RAB11FIP3: variants seen among roughly 807,000 people sequenced by gnomAD.
The protein encoded by RAB11FIP3 is rab11 family-interacting protein 3.
Under a neutral mutation model 77.8 loss-of-function variants are expected in RAB11FIP3, and 17 were observed. The observed-to-expected ratio is 0.22, with a 90% CI of 0.15 to 0.33. The LOEUF (loss-of-function observed/expected upper bound fraction) is 0.33. Ranked by LOEUF, RAB11FIP3 falls within the 10% of genes least tolerant of loss-of-function variation. The pLI is 1.00. For synonymous variants in RAB11FIP3, 437 were observed against 448.2 expected (o/e 0.98, Z 0.31); for missense variants, 1,005 against 1,011.2 (o/e 0.99, Z 0.08).
At chr16:459,175 G>A (rs538514707) in intron 1 of RAB11FIP3, among the ~76,000 whole-genome samples, 1 of 145,462 alleles carries the variant, frequency 6.9e-6, no homozygotes, top group Non-Finnish European at 1.5e-5. Context: ...TGCCCAGGCT[G>A]GAGTGCAGTG....
chr16:518,142 G>A (rs1454090983), intron 9 of RAB11FIP3, among the ~76,000 whole-genome samples: 1 of 152,184 alleles, frequency 6.6e-6, no homozygotes, highest in East Asian at 1.9e-4. Flanking sequence ...GCAGTGGCGG[G>A]ATCACAGCTC....
intron 6 of RAB11FIP3, chr16:497,527 A>AGACGCCTCTCCAGCTTCCTCTGGAGC (rs1300221317): frequency 1.1e-5 from 13 of 1,132,682 alleles, no homozygotes; most frequent in Non-Finnish European, 2.2e-6. Context: ...CAGGGCTGGG[A>AGACGCCTCTCCAGCTTCCTCTGGAGC]GACGCCTCTC....
chr16:480,001 ATTC>A (rs1459168348), intron 3 of RAB11FIP3, among the ~76,000 whole-genome samples: 1 of 152,058 alleles, frequency 6.6e-6, no homozygotes, highest in Non-Finnish European at 1.5e-5. Context: ...AAAAAGTTGA[ATTC>A]AGCCAGGCAC....
chr16:493,345 C>T (rs1056732210), intron 5 of RAB11FIP3, among the ~76,000 whole-genome samples: 1 of 152,090 alleles, frequency 6.6e-6, no homozygotes, highest in Non-Finnish European at 1.5e-5. Flanking sequence ...AGAACATCCT[C>T]CCCATAACCC....
At chr16:493,031 A>G (rs762083021) in intron 5 of RAB11FIP3, among the ~76,000 whole-genome samples, 27 of 152,122 alleles carry the variant, frequency 1.8e-4, no homozygotes, top group Admixed American at 9.8e-4. Flanking sequence ...CAGGCAGATC[A>G]CTTGAGGCCA....
At chr16:433,347 C>T (rs918865310) in intron 1 of RAB11FIP3, among the ~76,000 whole-genome samples, 3 of 146,900 alleles carry the variant, frequency 2.0e-5, no homozygotes, top group Non-Finnish European at 4.5e-5. Flanking sequence ...TAACCATTAA[C>T]CGTGCTCTTT....
At chr16:429,712 G>T (rs982019516) in intron 1 of RAB11FIP3, among the ~76,000 whole-genome samples, 21 of 152,026 alleles carry the variant, frequency 1.4e-4, no homozygotes, top group African/African-American at 5.1e-4. Flanking sequence ...TGGCCAGGCT[G>T]GTCTTGAACT....
chr16:513,461 C>G (rs1184885221), intron 9 of RAB11FIP3, among the ~76,000 whole-genome samples: 2 of 152,166 alleles, frequency 1.3e-5, no homozygotes, highest in Non-Finnish European at 2.9e-5. Flanking sequence ...TTAAGTGATT[C>G]TCCCACCTTG....
At chr16:439,776 A>C (rs1441090880) in intron 1 of RAB11FIP3, among the ~76,000 whole-genome samples, 3 of 152,128 alleles carry the variant, frequency 2.0e-5, no homozygotes, top group African/African-American at 7.2e-5. Flanking sequence ...GGACAACTCC[A>C]AGCAAAGGCA....
Position 472,915 on chromosome 16 carries a change from GGGAAGACCATA to G in RAB11FIP3, c.903+1534_903+1544del, listed in dbSNP as rs1413693519. On this transcript the variant is annotated intron_variant, in intron 3 of 13. Transcript: ENST00000262305. The surrounding 1 kb of genome is among the most constrained non-coding windows in gnomAD (Gnocchi z 4.1). ...CTGGAAGACGGGAGAGACACACAGG[GGGAAGACCATA>G]GGAAGACAGGGCAGAGACTGACCAG... is the stretch of plus-strand genomic sequence containing the variant. Among the ~76,000 whole-genome samples, 1 of 152,178 alleles carries G rather than the reference GGGAAGACCATA, an allele frequency of 6.6e-6. No individual in the cohort carries two copies. Among genetic ancestry groups the G allele is most frequent in the African/African-American group, 2.4e-5 (1 of 41,450 alleles).
intron 4 of RAB11FIP3, 123 bp from the exon 5 acceptor site, chr16:488,728 A>C: frequency 1.3e-6 from 1 of 744,512 alleles, no homozygotes; most frequent in Middle Eastern, 3.9e-4. Context: ...TTTTTTTTTA[A>C]ACGTGGCTCC....
intron 1 of RAB11FIP3, among the ~76,000 whole-genome samples, chr16:441,715 TCC>T (rs776032220): frequency 2.0e-4 from 31 of 152,222 alleles, no homozygotes; most frequent in Non-Finnish European, 4.1e-4. Flanking sequence ...ACATTTGTGT[TCC>T]CACACCAGGC....
At position 522,042 on chromosome 16, in the gene RAB11FIP3, T is replaced by TGC. The variant is rs1245547993; in HGVS notation, c.*1204_*1205insCG. On this transcript the variant is annotated 3_prime_UTR_variant, in exon 14 of 14. Transcript: ENST00000262305. The stretch of plus-strand genomic sequence containing the variant: ...CCCGCTGCGTGTGTGTGCGCGCGCG[T>TGC]GTACGTGTGGCCCCACATCCGCCGC... 1.3e-5 allele frequency: 2 copies of TGC among 150,582 alleles called. No individual in the cohort carries two copies. Among genetic ancestry groups the TGC allele is most frequent in the Non-Finnish European group, 2.9e-5 (2 of 67,840 alleles). The allele number at this position is 150,582 out of a possible 1,614,324, so 9.3% of individuals were successfully genotyped here.
intron 4 of RAB11FIP3, among the ~76,000 whole-genome samples, chr16:483,338 A>G (rs1207844100): frequency 1.3e-5 from 2 of 152,218 alleles, no homozygotes; most frequent in Admixed American, 6.6e-5. Flanking sequence ...TCTCAGCCTC[A>G]GGCGTTGCTC....
At chr16:432,411 A>G (rs1448623123) in intron 1 of RAB11FIP3, among the ~76,000 whole-genome samples, 1 of 152,064 alleles carries the variant, frequency 6.6e-6, no homozygotes, top group Non-Finnish European at 1.5e-5. Flanking sequence ...AGTAGGTAAA[A>G]TACTAGTAGA....
In RAB11FIP3 at chr16:506,258, A is replaced by G. The variant is rs2031871214; in HGVS notation, c.1499+631A>G. Among the ~76,000 whole-genome samples, 1 of 152,132 alleles carries G rather than the reference A, an allele frequency of 6.6e-6. No individual in the cohort carries two copies. The highest frequency in any genetic ancestry group is 2.1e-4 in the South Asian group (1 of 4,824). ...CACACGAGGCACGCCATGTTGTCTC[A>G]TAGCCGATTTGCAGGACTGTTTCCG... On this transcript the variant is annotated intron_variant, in intron 8 of 13. Transcript: ENST00000262305. The surrounding 1 kb of genome is among the most constrained non-coding windows in gnomAD (Gnocchi z 4.5).
At position 505,276 on chromosome 16, in the gene RAB11FIP3, C is replaced by T. The variant is rs1311168017; in HGVS notation, c.1396-248C>T. On this transcript the variant is annotated intron_variant, in intron 7 of 13. Transcript: ENST00000262305. This position sits in a 1 kb window ranked among gnomAD's most constrained non-coding sequence, Gnocchi z 4.0. ...CCAGTCCAAAGGCACCCCTGGGCCCCGAGCCCTCAGAGCTGCGGCACTGTG... is the reference window on the plus strand; with the variant it reads ...CCAGTCCAAAGGCACCCCTGGGCCCTGAGCCCTCAGAGCTGCGGCACTGTG... Among the ~76,000 whole-genome samples, 6 of 152,062 alleles carry T rather than the reference C, an allele frequency of 3.9e-5. No homozygotes were observed. The highest frequency in any genetic ancestry group is 1.2e-4 in the African/African-American group (5 of 41,412).
intron 5 of RAB11FIP3, among the ~76,000 whole-genome samples, chr16:495,673 G>C (rs566623261): frequency 1.2e-4 from 19 of 152,316 alleles, no homozygotes; most frequent in Middle Eastern, 3.4e-3. Flanking sequence ...GTTTCTACAG[G>C]GCAAGTAAAA....
chr16:457,423 C>T (rs2055521535), intron 1 of RAB11FIP3, among the ~76,000 whole-genome samples: 1 of 151,958 alleles, frequency 6.6e-6, no homozygotes, highest in African/African-American at 2.4e-5. Flanking sequence ...TGGCTTTGGC[C>T]ACTCTGGTTT....
Sources: allele counts gnomAD v4.1 joint callset (sites outside exome capture counted in the v4.1 genomes callset), GRCh38; gene constraint gnomAD v4.1.1; non-coding constraint Gnocchi (gnomAD v3.1); transcripts MANE v1.5; gene names NCBI Gene and HGNC (gene_info 2026-07-23, HGNC 2026-07-21).